MYH6: variants seen among roughly 807,000 people sequenced by gnomAD.
MYH6 encodes myosin-6.
A neutral mutation model predicts 223.2 loss-of-function variants in MYH6; 126 were observed. The ratio of observed to expected loss-of-function variants is 0.56; its 90% CI spans 0.49 to 0.65. MYH6 has a LOEUF of 0.65. Among genes scored for constraint, MYH6 ranks in the 30% least tolerant of loss-of-function variants. The pLI, the probability that MYH6 is intolerant of heterozygous loss-of-function variation, is 0.00. For synonymous variants in MYH6, 978 were observed against 1,010.2 expected, an observed-to-expected ratio of 0.97 and a Z score of 0.61; for missense variants, 2,040 against 2,536.4, an observed-to-expected ratio of 0.80 and a Z score of 4.20.
chr14:23,382,410 C>T lies in MYH6; in HGVS notation c.5796+18G>A, dbSNP rs762956340. On this transcript the variant is annotated intron_variant, in intron 38 of 38. Coordinates refer to ENST00000405093, the MANE Select transcript of MYH6 (RefSeq NM_002471.4). The stretch of plus-strand genomic sequence containing the variant: ...GCTAATGTGGAAGTGACTAGTGAAG[C>T]CCAGGGGAGGGACCCACCTTGGCAC... 1.9e-6 allele frequency: 3 copies of T among 1,613,856 alleles called. No homozygotes were observed. In the Admixed American group the frequency reaches 5.0e-5, roughly 27 times the overall value.
intron 34 of MYH6, 31 bp downstream of exon 34, chr14:23,385,897 G>A (rs1326943922): frequency 2.5e-6 from 4 of 1,614,092 alleles, no homozygotes; most frequent in Middle Eastern, 1.7e-4. Flanking sequence ...CACTCAGTAG[G>A]TTTCCACAAG....
In MYH6 at chr14:23,382,530, G is replaced by A. The variant is rs201199853; in HGVS notation, c.5694C>T (p.Phe1898=). 1 of 1,614,176 alleles carries A rather than the reference G, an allele frequency of 6.2e-7. No homozygotes were observed. Among genetic ancestry groups the A allele is most frequent in the Non-Finnish European group, 8.5e-7 (1 of 1,180,024 alleles). Residue 1898 remains phenylalanine, a synonymous_variant, in exon 38 of 39, where the codon TTC becomes TTT. Transcript: ENST00000405093. Reference sequence around the variant, plus strand: ...CATCCAGCTCATGCTGCACCTTGCGGAACTTGGACAGGTTGGTGTTGGCTT... The same window carrying A: ...CATCCAGCTCATGCTGCACCTTGCGAAACTTGGACAGGTTGGTGTTGGCTT... The part of the protein sequence containing the change: ...EEQANTNLSK[F]RKVQHELDEA...
At chr14:23,397,942 T>C (rs1209480326) in intron 15 of MYH6, among the ~76,000 whole-genome samples, 1 of 50,560 alleles carries the variant, frequency 2.0e-5, no homozygotes, top group African/African-American at 8.8e-5. Flanking sequence ...CTCTTCTTCT[T>C]CTTCTTCTTC....
chr14:23,402,842 G>C, intron 10 of MYH6, 42 bp from the exon 11 acceptor site: 1 of 1,499,604 alleles, frequency 6.7e-7, no homozygotes, highest in East Asian at 2.3e-5. Flanking sequence ...GGGGGCAGGC[G>C]GAGGGCAGGG....
chr14:23,405,594 A>C lies in MYH6; in HGVS notation c.345+33T>G. On this transcript the variant is annotated intron_variant, in intron 4 of 38. Transcript: ENST00000405093. The surrounding 1 kb of genome is among the most constrained non-coding windows in gnomAD (Gnocchi z 4.7). ...GCTTATTTAGGCCTCCACGCAGCAC[A>C]GGAAGCCTCTGCAGTGTGCAGGAGC... 6.2e-7 allele frequency: 1 copy of C among 1,614,038 alleles called. No individual in the cohort carries two copies. Among genetic ancestry groups the C allele is most frequent in the Admixed American group, 1.7e-5 (1 of 60,008 alleles).
In MYH6 at chr14:23,388,480, T is replaced by C. The variant is rs549810664; in HGVS notation, c.4176-142A>G. ...AGCAGGAGCTGAGCCTGCTCATGCC[T>C]GGAACAGAGTCCGCCAGCACGGGCT... On this transcript the variant is annotated intron_variant, in intron 29 of 38. Transcript: ENST00000405093. The C allele has an allele frequency of 3.9e-5, 53 of 1,354,566 alleles. No individual in the cohort carries two copies. The East Asian group carries it at 1.1e-3, about 28-fold the overall frequency. 83.9% of individuals were successfully genotyped at this position (1,354,566 alleles called of 1,614,324 possible).
Position 23,397,095 on chromosome 14 carries a change from A to C in MYH6, c.2051-15T>G. On this transcript the variant is annotated splice_polypyrimidine_tract_variant and intron_variant, in intron 17 of 38. Transcript: ENST00000405093. ...GTCCATCACCCCTGTGTCAGGAGGG[A>C]AGGGGAAAGGGTCAGCCTTAGGGTA... is the stretch of plus-strand genomic sequence containing the variant. The C allele has an allele frequency of 6.2e-7, 1 of 1,614,192 alleles. No individual in the cohort carries two copies. Among genetic ancestry groups the C allele is most frequent in the South Asian group, 1.1e-5 (1 of 91,080 alleles).
chr14:23,398,454 A>G (rs1482253395), intron 15 of MYH6, among the ~76,000 whole-genome samples: 2 of 152,176 alleles, frequency 1.3e-5, no homozygotes, highest in Non-Finnish European at 2.9e-5. Context: ...CCTGCTGGGC[A>G]TGGTACAGGG....
chr14:23,393,307 G>T, intron 23 of MYH6, 35 bp downstream of exon 23: 1 of 1,613,644 alleles, frequency 6.2e-7, no homozygotes, highest in Non-Finnish European at 8.5e-7. Context: ...GCAAAATCTT[G>T]CTCTGAGAGC....
At chr14:23,398,030 A>AT (rs1891483296) in intron 15 of MYH6, among the ~76,000 whole-genome samples, 1 of 72,134 alleles carries the variant, frequency 1.4e-5, no homozygotes, top group Non-Finnish European at 2.9e-5. Flanking sequence ...TCTTCCTTCT[A>AT]TTTTTGAGAT....
chr14:23,383,213 C>T lies in MYH6; in HGVS notation c.5661+12G>A, dbSNP rs747182485. 6.2e-7 allele frequency: 1 copy of T among 1,609,098 alleles called. No individual in the cohort carries two copies. Among genetic ancestry groups the T allele is most frequent in the South Asian group, 1.1e-5 (1 of 90,942 alleles). ...TGTGTTGATGAGAAAGGGAAGAAAG[C>T]TCTGAACTCACCGCCTCCTCGGCCT... is the stretch of plus-strand genomic sequence containing the variant. On this transcript the variant is annotated intron_variant, in intron 37 of 38. Coordinates refer to ENST00000405093, the MANE Select transcript of MYH6 (RefSeq NM_002471.4).
At chr14:23,399,174 T>C (rs1343285170) in intron 14 of MYH6, 137 bp from the exon 15 acceptor site, 5 of 1,062,024 alleles carry the variant, frequency 4.7e-6, no homozygotes, top group African/African-American at 3.2e-5. Flanking sequence ...TGGTACCTCT[T>C]ACCCTAAAAC....
chr14:23,399,820 A>G (rs376439), intron 14 of MYH6: 114,872 of 266,580 alleles, frequency 0.43, 28,163 homozygotes, highest in African/African-American at 0.74. Flanking sequence ...AGTCAGCCCC[A>G]GCCTATGGGG....
intron 19 of MYH6, 80 bp downstream of exon 19, chr14:23,396,614 C>A (rs1891403197): frequency 6.2e-7 from 1 of 1,609,116 alleles, no homozygotes; most frequent in Non-Finnish European, 8.5e-7. Flanking sequence ...CAGAATTAGG[C>A]TTCTGCCTCC....
chr14:23,388,359 G>A, intron 29 of MYH6, 21 bp from the exon 30 acceptor site: 1 of 1,611,520 alleles, frequency 6.2e-7, no homozygotes, highest in Non-Finnish European at 8.5e-7. Context: ...GAGGGTGGAG[G>A]GTGTGTGTGT....
chr14:23,398,698 C>T lies in MYH6; in HGVS notation c.1891+30G>A, dbSNP rs369111627. 6.8e-6 allele frequency: 11 copies of T among 1,612,140 alleles called. No homozygotes were observed. The African/African-American group carries it at 1.3e-4, about 20-fold the overall frequency. On this transcript the variant is annotated intron_variant, in intron 15 of 38. Coordinates refer to ENST00000405093, the MANE Select transcript of MYH6 (RefSeq NM_002471.4). Reference sequence around the variant, plus strand: ...TGGCCCTTTGTGTCTTCAGAAGTCCCCTGGCCCAGTGCAGGGGCTGCCTGC... The same window carrying T: ...TGGCCCTTTGTGTCTTCAGAAGTCCTCTGGCCCAGTGCAGGGGCTGCCTGC...
chr14:23,388,393 C>G (rs1040123807), intron 29 of MYH6, 55 bp from the exon 30 acceptor site: 6 of 1,605,758 alleles, frequency 3.7e-6, no homozygotes, highest in Non-Finnish European at 5.1e-6. Flanking sequence ...AACACTGGAG[C>G]CTTGGGTGGA....
intron 20 of MYH6, 100 bp downstream of exon 20, chr14:23,396,184 G>T: frequency 1.3e-6 from 2 of 1,504,894 alleles, no homozygotes; most frequent in Non-Finnish European, 1.8e-6. Context: ...GCCCAGGCCA[G>T]CTGGTAGGTC....
chr14:23,391,046 A>C (rs1891223741), intron 25 of MYH6, among the ~76,000 whole-genome samples: 1 of 152,206 alleles, frequency 6.6e-6, no homozygotes, highest in Admixed American at 6.5e-5. Flanking sequence ...AAGTGCTAGC[A>C]GGCTACTCTC....
Sources: allele counts gnomAD v4.1 joint callset (sites outside exome capture counted in the v4.1 genomes callset), GRCh38; gene constraint gnomAD v4.1.1; non-coding constraint Gnocchi (gnomAD v3.1); transcripts MANE v1.5; gene names NCBI Gene and HGNC (gene_info 2026-07-23, HGNC 2026-07-21).